NELL1: variants seen among roughly 807,000 people sequenced by gnomAD.
NELL1 encodes neural EGFL like 1.
A neutral mutation model predicts 107.4 loss-of-function variants in NELL1; 76 were observed. That is an observed-to-expected ratio of 0.71 (90% CI 0.59 to 0.86). The LOEUF (loss-of-function observed/expected upper bound fraction) is 0.86, where lower values mean the gene tolerates loss of function less well. NELL1 is among the 40% of genes least tolerant of loss of function. The pLI is 0.00. For missense variants in NELL1, 1,024 were observed against 1,005.5 expected, an observed-to-expected ratio of 1.02 and a Z score of -0.25; for synonymous variants, 353 against 341.2, an observed-to-expected ratio of 1.03 and a Z score of -0.38.
intron 7 of NELL1, among the ~76,000 whole-genome samples, chr11:20,924,108 C>T (rs2134167265): frequency 6.6e-6 from 1 of 152,256 alleles, no homozygotes; most frequent in African/African-American, 2.4e-5. Context: ...TGCAGACAAT[C>T]TTAGAGAAAG....
chr11:21,415,058 A>G (rs1021905034), intron 15 of NELL1, among the ~76,000 whole-genome samples: 7 of 152,040 alleles, frequency 4.6e-5, no homozygotes, highest in African/African-American at 1.7e-4. Context: ...AGTTAACCAT[A>G]CCAAGTTTAT....
chr11:21,568,011 A>T (rs182898458), intron 17 of NELL1, among the ~76,000 whole-genome samples: 63 of 151,942 alleles, frequency 4.1e-4, no homozygotes, highest in Admixed American at 9.2e-4. Context: ...AAATACAGTC[A>T]TGCATCACTT....
intron 13 of NELL1, among the ~76,000 whole-genome samples, chr11:21,165,758 CTTTTTTT>C (rs34509347): frequency 1.0e-5 from 1 of 98,508 alleles, no homozygotes; most frequent in Non-Finnish European, 1.9e-5. Flanking sequence ...ACAATGAGAT[CTTTTTTT>C]TTTTTTTTTT....
At chr11:21,028,831 T>G (rs1852883792) in intron 12 of NELL1, among the ~76,000 whole-genome samples, 1 of 152,208 alleles carries the variant, frequency 6.6e-6, no homozygotes, top group Non-Finnish European at 1.5e-5. Context: ...TGGGCAGTTT[T>G]TATTTCTCTT....
intron 13 of NELL1, among the ~76,000 whole-genome samples, chr11:21,167,049 A>G (rs1324536930): frequency 6.6e-6 from 1 of 151,950 alleles, no homozygotes; most frequent in Non-Finnish European, 1.5e-5. Flanking sequence ...ACAATGGAGG[A>G]AAAACATTGA....
intron 3 of NELL1, among the ~76,000 whole-genome samples, chr11:20,788,912 A>G (rs151233635): frequency 0.018 from 2,679 of 152,150 alleles, 29 homozygotes; most frequent in South Asian, 0.032. Context: ...GTTAGTTTTT[A>G]TATATCATGT....
At chr11:20,755,285 T>A (rs939319693) in intron 2 of NELL1, among the ~76,000 whole-genome samples, 2 of 152,158 alleles carry the variant, frequency 1.3e-5, no homozygotes, top group Non-Finnish European at 1.5e-5. Flanking sequence ...GCATCCTGGA[T>A]CCAGTTGTAG....
chr11:21,121,051 C>T (rs1855356036), intron 13 of NELL1, among the ~76,000 whole-genome samples: 1 of 152,038 alleles, frequency 6.6e-6, no homozygotes, highest in Non-Finnish European at 1.5e-5. Context: ...GATCTATCCC[C>T]AGAGATTTTG....
intron 13 of NELL1, among the ~76,000 whole-genome samples, chr11:21,179,804 T>TTTTTAACCAAAATA (rs1856789534): frequency 6.6e-6 from 1 of 151,188 alleles, no homozygotes; most frequent in African/African-American, 2.5e-5. Context: ...CTGATTTATG[T>TTTTTAACCAAAATA]TTTTAACCAA....
intron 2 of NELL1, among the ~76,000 whole-genome samples, chr11:20,706,525 G>T (rs1564871653): frequency 6.8e-6 from 1 of 146,480 alleles, no homozygotes; most frequent in African/African-American, 2.5e-5. Flanking sequence ...TTGTGGGGTT[G>T]GGGGGGAGGG....
chr11:21,468,519 T>TA (rs1300919470), intron 15 of NELL1, among the ~76,000 whole-genome samples: 3 of 151,968 alleles, frequency 2.0e-5, no homozygotes, highest in Non-Finnish European at 2.9e-5. Flanking sequence ...CCTCTATTGT[T>TA]AAAAAAAGGT....
intron 15 of NELL1, among the ~76,000 whole-genome samples, chr11:21,462,923 A>T (rs541488037): frequency 2.0e-5 from 3 of 152,202 alleles, no homozygotes; most frequent in South Asian, 2.1e-4. Context: ...CTGTAATGGC[A>T]GTTTGGATAC....
chr11:20,695,046 T>G (rs1451223310), intron 2 of NELL1, among the ~76,000 whole-genome samples: 2 of 152,226 alleles, frequency 1.3e-5, no homozygotes, highest in Admixed American at 6.6e-5. Context: ...TTTATTTTTT[T>G]GTGCATATAT....
At chr11:20,986,661 C>T (rs61880766) in intron 12 of NELL1, among the ~76,000 whole-genome samples, 11,961 of 152,042 alleles carry the variant, frequency 0.079, 521 homozygotes, top group African/African-American at 0.13. Context: ...GCATCCTTCC[C>T]GTATTTCTGA....
chr11:21,117,194 T>C (rs112298355), intron 13 of NELL1, among the ~76,000 whole-genome samples: 1,831 of 152,120 alleles, frequency 0.012, 21 homozygotes, highest in Non-Finnish European at 0.018. Flanking sequence ...TCAGAGAGGC[T>C]TTCCATGATC....
intron 14 of NELL1, among the ~76,000 whole-genome samples, chr11:21,256,929 C>T (rs1461508568): frequency 6.6e-6 from 1 of 151,992 alleles, no homozygotes; most frequent in Non-Finnish European, 1.5e-5. Flanking sequence ...TACAGCTGTG[C>T]ACAGCAGGAA....
At chr11:21,182,854 C>T (rs1034473468) in intron 13 of NELL1, among the ~76,000 whole-genome samples, 6 of 151,718 alleles carry the variant, frequency 4.0e-5, no homozygotes, top group African/African-American at 9.7e-5. Context: ...GGGAAAACGG[C>T]AAATGGGAAC....
chr11:20,927,425 A>G lies in NELL1; in HGVS notation c.877A>G (p.Arg293Gly). The G allele has an allele frequency of 6.2e-7, 1 of 1,610,582 alleles. No individual in the cohort carries two copies. The highest frequency in any genetic ancestry group is 1.3e-5 in the African/African-American group (1 of 74,922). ...QDSWVDGDHC[R>G]NCTCKSGAVE... ...CTCTTGGGTAGATGGTGACCATTGC[A>G]GGAACTGCACTTGCAAAGTAAGCCT... Residue 293 changes from arginine to glycine, a missense_variant, in exon 8 of 20, where the codon AGG becomes GGG. By Grantham distance (125) the Arg-to-Gly change is moderately radical (BLOSUM62 -2). Transcript: ENST00000357134.
At chr11:21,443,503 A>C (rs187787985) in intron 15 of NELL1, among the ~76,000 whole-genome samples, 78 of 131,894 alleles carry the variant, frequency 5.9e-4, no homozygotes, top group African/African-American at 2.5e-3. Context: ...GAGAAAAAAA[A>C]ATAATATCCA....
Sources: allele counts gnomAD v4.1 joint callset (sites outside exome capture counted in the v4.1 genomes callset), GRCh38; gene constraint gnomAD v4.1.1; transcripts MANE v1.5; gene names NCBI Gene and HGNC (gene_info 2026-07-23, HGNC 2026-07-21).